The following KCNQ5 variants were observed in gnomAD, a reference collection of about 807,000 sequenced individuals.
The protein encoded by KCNQ5 is potassium voltage-gated channel subfamily KQT member 5.
In KCNQ5, 30 loss-of-function variants were observed where a neutral mutation model predicts 98.2. The observed-to-expected ratio is 0.31, with a 90% confidence interval of 0.23 to 0.41. The LOEUF (loss-of-function observed/expected upper bound fraction) is 0.41, where lower values mean the gene tolerates loss of function less well. Ranked by LOEUF, KCNQ5 falls within the 10% of genes least tolerant of loss-of-function variation. The pLI, the probability that KCNQ5 is intolerant of heterozygous loss-of-function variation, is 1.00. For synonymous variants in KCNQ5, 458 were observed against 449.4 expected, an observed-to-expected ratio of 1.02 and a Z score of -0.24; for missense variants, 835 against 1,182.5, an observed-to-expected ratio of 0.71 and a Z score of 4.31.
chr6:73,013,297 G>A (rs919796853), intron 2 of KCNQ5, among the ~76,000 whole-genome samples: 2 of 152,056 alleles, frequency 1.3e-5, no homozygotes, highest in Non-Finnish European at 2.9e-5. Flanking sequence ...TGATGACAGT[G>A]CTTGTGGCTT....
At chr6:72,713,317 C>T (rs996690128) in intron 1 of KCNQ5, among the ~76,000 whole-genome samples, 2 of 152,122 alleles carry the variant, frequency 1.3e-5, no homozygotes, top group African/African-American at 2.4e-5. Flanking sequence ...CTTCCCCAGC[C>T]GTCATAAGTT....
At chr6:72,899,861 T>C (rs80090994) in intron 1 of KCNQ5, among the ~76,000 whole-genome samples, 2 of 151,896 alleles carry the variant, frequency 1.3e-5, no homozygotes, top group Admixed American at 6.6e-5. Context: ...TTTTTTTTTT[T>C]CTGAGACAGA....
intron 8 of KCNQ5, 136 bp downstream of exon 8, chr6:73,120,713 C>T (rs1266627032): frequency 2.2e-6 from 1 of 449,046 alleles, no homozygotes; most frequent in Non-Finnish European, 3.9e-6. Flanking sequence ...AGATTCAAAC[C>T]TATTTAGTAG....
intron 5 of KCNQ5, among the ~76,000 whole-genome samples, chr6:73,099,235 A>G (rs1774657711): frequency 6.6e-6 from 1 of 152,160 alleles, no homozygotes; most frequent in South Asian, 2.1e-4. Flanking sequence ...ACAAGAAGGA[A>G]AGAAAAAAGC....
At chr6:72,877,583 T>C (rs1778466082) in intron 1 of KCNQ5, among the ~76,000 whole-genome samples, 1 of 152,228 alleles carries the variant, frequency 6.6e-6, no homozygotes, top group Non-Finnish European at 1.5e-5. Flanking sequence ...ATATACCCAG[T>C]AATGGGATTG....
At chr6:73,136,802 T>C (rs1164244321) in intron 10 of KCNQ5, 6 of 152,198 alleles carry the variant, frequency 3.9e-5, no homozygotes, top group Non-Finnish European at 5.9e-5. Flanking sequence ...TCTTTACTTA[T>C]AGTACCTCTT....
chr6:72,971,596 C>CAAAT (rs1767901659), intron 1 of KCNQ5, among the ~76,000 whole-genome samples: 1 of 152,216 alleles, frequency 6.6e-6, no homozygotes, highest in South Asian at 2.1e-4. Context: ...GGAACCAACT[C>CAAAT]AAATGCCCAA....
intron 5 of KCNQ5, among the ~76,000 whole-genome samples, chr6:73,086,399 C>A (rs1208208953): frequency 6.6e-6 from 1 of 152,166 alleles, no homozygotes; most frequent in African/African-American, 2.4e-5. Flanking sequence ...CCTGGGCTAA[C>A]CCCTCCAACT....
intron 9 of KCNQ5, among the ~76,000 whole-genome samples, chr6:73,125,140 A>G (rs1775924641): frequency 6.6e-6 from 1 of 151,268 alleles, no homozygotes; most frequent in Non-Finnish European, 1.5e-5. Flanking sequence ...GGTCTACTCA[A>G]GTGACTCAAA....
At chr6:73,136,705 A>G (rs1776486292) in intron 10 of KCNQ5, 2 of 152,192 alleles carry the variant, frequency 1.3e-5, no homozygotes, top group Admixed American at 6.5e-5. Context: ...ATTGAATTCA[A>G]TGTTGCGTCT....
At chr6:73,036,701 G>T (rs961059587) in intron 2 of KCNQ5, among the ~76,000 whole-genome samples, 2 of 152,102 alleles carry the variant, frequency 1.3e-5, no homozygotes, top group African/African-American at 4.8e-5. Flanking sequence ...TTATTGAGTA[G>T]CATTCCATGG....
intron 1 of KCNQ5, among the ~76,000 whole-genome samples, chr6:72,708,590 C>A (rs1316461504): frequency 6.6e-6 from 1 of 152,120 alleles, no homozygotes; most frequent in African/African-American, 2.4e-5. Context: ...CTGCAATCCA[C>A]AGCTCACTAC....
intron 1 of KCNQ5, among the ~76,000 whole-genome samples, chr6:72,793,674 A>G (rs1774175884): frequency 6.6e-6 from 1 of 152,226 alleles, no homozygotes; most frequent in Non-Finnish European, 1.5e-5. Context: ...ATCAAGAACA[A>G]TTCTGAAATA....
At chr6:73,183,247 A>G (rs531695129) in intron 11 of KCNQ5, among the ~76,000 whole-genome samples, 71 of 152,298 alleles carry the variant, frequency 4.7e-4, no homozygotes, top group African/African-American at 1.6e-3. Flanking sequence ...TAAAAATGTG[A>G]GCCTTGGCAT....
chr6:72,921,123 C>A (rs192959113), intron 1 of KCNQ5, among the ~76,000 whole-genome samples: 1 of 152,102 alleles, frequency 6.6e-6, no homozygotes, highest in Non-Finnish European at 1.5e-5. Flanking sequence ...TTAGAGTAAG[C>A]AGCCCCAAGT....
intron 1 of KCNQ5, among the ~76,000 whole-genome samples, chr6:72,760,270 T>G (rs543531195): frequency 6.6e-6 from 1 of 152,296 alleles, no homozygotes; most frequent in South Asian, 2.1e-4. Flanking sequence ...TTTTAGATTT[T>G]GGTCTAACAG....
At chr6:73,055,321 G>A (rs1338237827) in intron 3 of KCNQ5, 2 of 1,414,030 alleles carry the variant, frequency 1.4e-6, no homozygotes, top group Non-Finnish European at 2.0e-6. Flanking sequence ...ATCAGATGTA[G>A]CTGCCAATAG....
chr6:72,709,419 C>T (rs55681253), intron 1 of KCNQ5, among the ~76,000 whole-genome samples: 19,310 of 152,076 alleles, frequency 0.13, 2,065 homozygotes, highest in African/African-American at 0.29. Context: ...AATATAAATT[C>T]TGTCATTCTC....
At chr6:73,140,648 G>T (rs1277279476) in intron 10 of KCNQ5, among the ~76,000 whole-genome samples, 1 of 152,176 alleles carries the variant, frequency 6.6e-6, no homozygotes, top group African/African-American at 2.4e-5. Context: ...TATTGAGAAT[G>T]ACTGGATCTA....
Sources: allele counts gnomAD v4.1 joint callset (sites outside exome capture counted in the v4.1 genomes callset), GRCh38; gene constraint gnomAD v4.1.1; transcripts MANE v1.5; gene names NCBI Gene and HGNC (gene_info 2026-07-23, HGNC 2026-07-21).